The following RALGAPA1 variants were observed in gnomAD, a reference collection of about 807,000 sequenced individuals.
RALGAPA1 encodes the protein ral GTPase-activating protein subunit alpha-1.
In RALGAPA1, 52 loss-of-function variants were observed where a neutral mutation model predicts 269.6. That is an observed-to-expected ratio of 0.19 (90% confidence interval 0.15 to 0.24). RALGAPA1 has a LOEUF of 0.24. RALGAPA1 is among the 10% of genes least tolerant of loss of function. RALGAPA1 has a pLI of 1.00. For synonymous variants in RALGAPA1, 817 were observed against 1,008.3 expected, an observed-to-expected ratio of 0.81 and a Z score of 3.60; for missense variants, 1,917 against 3,013.9, an observed-to-expected ratio of 0.64 and a Z score of 8.52.
At chr14:35,623,846 A>C (rs1594861394) in intron 35 of RALGAPA1, among the ~76,000 whole-genome samples, 2 of 152,138 alleles carry the variant, frequency 1.3e-5, no homozygotes. Flanking sequence ...TTGGGAGGCC[A>C]AGGCGGGTGG....
At chr14:35,691,035 C>A (rs2066435043) in intron 17 of RALGAPA1, among the ~76,000 whole-genome samples, 1 of 151,694 alleles carries the variant, frequency 6.6e-6, no homozygotes, top group South Asian at 2.1e-4. Flanking sequence ...TGCCACTGCA[C>A]TCCAGCCTGG....
Position 35,634,555 on chromosome 14 carries a change from T to C in RALGAPA1, c.5995+19A>G. 1.3e-6 allele frequency: 2 copies of C among 1,599,850 alleles called. No individual in the cohort carries two copies. The highest frequency in any genetic ancestry group is 1.1e-5 in the South Asian group (1 of 88,802). On this transcript the variant is annotated intron_variant, in intron 33 of 41. Coordinates refer to ENST00000680220, the MANE Select transcript of RALGAPA1 (RefSeq NM_001346249.2). ...GAGAACCCAAGCAACAATATTGTCC[T>C]GAACAGAATTCATGTTACCTTCTGT...
intron 18 of RALGAPA1, 142 bp from the exon 19 acceptor site, chr14:35,686,808 G>T: frequency 2.1e-6 from 1 of 475,186 alleles, no homozygotes; most frequent in Non-Finnish European, 3.8e-6. Flanking sequence ...CCTTCTTTCA[G>T]ATTTAATTTT....
intron 17 of RALGAPA1, among the ~76,000 whole-genome samples, chr14:35,692,103 T>A (rs974069521): frequency 6.6e-5 from 10 of 152,130 alleles, no homozygotes; most frequent in Admixed American, 3.9e-4. Flanking sequence ...TAAGAACTTC[T>A]GCCTCAATGA....
At chr14:35,688,334 A>T in intron 18 of RALGAPA1, 125 bp downstream of exon 18, 1 of 1,096,916 alleles carries the variant, frequency 9.1e-7, no homozygotes. Flanking sequence ...CGCATGCATA[A>T]CCAAACAGAG....
chr14:35,674,739 T>A, intron 22 of RALGAPA1, 30 bp from the exon 23 acceptor site: 1 of 1,201,496 alleles, frequency 8.3e-7, no homozygotes, highest in Non-Finnish European at 1.2e-6. Context: ...GTGTCAGCCA[T>A]TTTTCAGTGA....
chr14:35,630,132 T>C (rs2061265495), intron 33 of RALGAPA1, among the ~76,000 whole-genome samples: 1 of 152,238 alleles, frequency 6.6e-6, no homozygotes, highest in South Asian at 2.1e-4. Context: ...TGCTATGCCA[T>C]TGATGTTAAT....
intron 16 of RALGAPA1, among the ~76,000 whole-genome samples, chr14:35,714,962 C>T (rs2068684056): frequency 6.6e-6 from 1 of 152,192 alleles, no homozygotes; most frequent in South Asian, 2.1e-4. Context: ...TTCAGCATAA[C>T]TGTTTTTCTC....
intron 36 of RALGAPA1, among the ~76,000 whole-genome samples, chr14:35,596,973 T>G (rs2058965944): frequency 6.6e-6 from 1 of 152,164 alleles, no homozygotes; most frequent in Non-Finnish European, 1.5e-5. Flanking sequence ...TGAAAAACAC[T>G]CCTTATTAGT....
At chr14:35,630,444 C>T (rs534958413) in intron 33 of RALGAPA1, among the ~76,000 whole-genome samples, 15 of 152,316 alleles carry the variant, frequency 9.8e-5, no homozygotes, top group African/African-American at 2.6e-4. Context: ...TGTGCCACCA[C>T]GCCTGGCTAA....
chr14:35,659,570 T>C (rs976231955), intron 27 of RALGAPA1, among the ~76,000 whole-genome samples: 3 of 152,008 alleles, frequency 2.0e-5, no homozygotes. Context: ...AGAATCTTTC[T>C]CAAACATTTC....
intron 17 of RALGAPA1, among the ~76,000 whole-genome samples, chr14:35,695,705 A>G (rs2066845674): frequency 6.6e-6 from 1 of 152,246 alleles, no homozygotes; most frequent in African/African-American, 2.4e-5. Flanking sequence ...AAGTATACAC[A>G]AAGCTGCCTA....
chr14:35,789,270 T>C (rs1418302568), intron 1 of RALGAPA1, among the ~76,000 whole-genome samples: 4 of 151,748 alleles, frequency 2.6e-5, no homozygotes, highest in Non-Finnish European at 4.4e-5. Context: ...AGACTATACA[T>C]GTAAAGGATC....
chr14:35,630,920 A>G (rs1346705383), intron 33 of RALGAPA1, among the ~76,000 whole-genome samples: 1 of 152,144 alleles, frequency 6.6e-6, no homozygotes, highest in Non-Finnish European at 1.5e-5. Flanking sequence ...ATTATATTGA[A>G]ATTTTTAAAA....
Position 35,783,202 on chromosome 14 carries a change from T to C in RALGAPA1, c.107-7457A>G, listed in dbSNP as rs146381052. ...ACAGAGTGTAGTACCGGGATAAGGA[T>C]AGACATATAGATGAATGGAACAATT... On this transcript the variant is annotated intron_variant, in intron 1 of 41. Coordinates refer to ENST00000680220, the MANE Select transcript of RALGAPA1 (RefSeq NM_001346249.2). Among the ~76,000 whole-genome samples the C allele has an allele frequency of 2.7e-4, 41 of 151,958 alleles. No individual in the cohort carries two copies. The East Asian group carries it at 6.2e-3, about 23-fold the overall frequency.
intron 7 of RALGAPA1, among the ~76,000 whole-genome samples, chr14:35,752,398 C>T (rs990409451): frequency 1.3e-5 from 2 of 152,150 alleles, no homozygotes; most frequent in Admixed American, 1.3e-4. Context: ...GAAAATTACA[C>T]AAAAGTGGCC....
intron 1 of RALGAPA1, among the ~76,000 whole-genome samples, chr14:35,801,935 CATCCAGATTAGAAAGGAAGA>C (rs2077005657): frequency 6.6e-6 from 1 of 152,148 alleles, no homozygotes; most frequent in Non-Finnish European, 1.5e-5. Context: ...AAATAAAGGG[CATCCAGATTAGAAAGGAAGA>C]AGTAAAACTG....
chr14:35,771,070 T>C (rs925896333), intron 3 of RALGAPA1, 71 bp from the exon 4 acceptor site: 14 of 646,490 alleles, frequency 2.2e-5, no homozygotes, highest in African/African-American at 2.1e-4. Context: ...CTGCAAAATG[T>C]GAAAAATTAA....
At chr14:35,653,479 AG>A (rs1487325686) in intron 30 of RALGAPA1, among the ~76,000 whole-genome samples, 1 of 152,182 alleles carries the variant, frequency 6.6e-6, no homozygotes, top group Non-Finnish European at 1.5e-5. Flanking sequence ...GAAGAAAGCC[AG>A]GGGTATGTTT....
Sources: allele counts gnomAD v4.1 joint callset (sites outside exome capture counted in the v4.1 genomes callset), GRCh38; gene constraint gnomAD v4.1.1; transcripts MANE v1.5; gene names NCBI Gene and HGNC (gene_info 2026-07-23, HGNC 2026-07-21).